ADK: variants seen among roughly 807,000 people sequenced by gnomAD.
The protein encoded by ADK is N6,N6-dimethyladenosine kinase.
A neutral mutation model predicts 44.7 loss-of-function variants in ADK; 24 were observed. That is an observed-to-expected ratio of 0.54 (90% CI 0.39 to 0.76). The LOEUF is 0.76. Ranked by LOEUF, ADK falls within the 30% of genes least tolerant of loss-of-function variation. The pLI, the probability that ADK is intolerant of heterozygous loss-of-function variation, is 0.00. For synonymous variants in ADK, 128 were observed against 142.6 expected, an observed-to-expected ratio of 0.90 and a Z score of 0.73; for missense variants, 321 against 425.1, an observed-to-expected ratio of 0.76 and a Z score of 2.15.
At chr10:74,702,779 A>G (rs1856481203) in intron 10 of ADK, among the ~76,000 whole-genome samples, 1 of 151,628 alleles carries the variant, frequency 6.6e-6, no homozygotes, top group South Asian at 2.1e-4. Context: ...TTGTATTTTT[A>G]GTAGAGACGA....
At chr10:74,614,042 C>T (rs1436929817) in intron 9 of ADK, among the ~76,000 whole-genome samples, 1 of 152,014 alleles carries the variant, frequency 6.6e-6, no homozygotes, top group Non-Finnish European at 1.5e-5. Flanking sequence ...AGCTCATGGT[C>T]CATTTTTAGA....
intron 3 of ADK, among the ~76,000 whole-genome samples, chr10:74,300,363 CTTT>C (rs1209176948): frequency 2.5e-5 from 3 of 118,062 alleles, no homozygotes; most frequent in African/African-American, 1.0e-4. Flanking sequence ...TCCTTCCTTT[CTTT>C]CTTTCTTCTT....
intron 7 of ADK, among the ~76,000 whole-genome samples, chr10:74,569,038 G>C (rs1038072278): frequency 4.7e-5 from 7 of 148,024 alleles, no homozygotes; most frequent in African/African-American, 1.7e-4. Context: ...TTGGCTTTTT[G>C]TCCTTGCAGT....
intron 3 of ADK, among the ~76,000 whole-genome samples, chr10:74,226,465 T>C (rs1844547092): frequency 6.6e-6 from 1 of 152,228 alleles, no homozygotes; most frequent in Admixed American, 6.5e-5. Flanking sequence ...CCCATATATT[T>C]ACCACCAAGG....
chr10:74,328,925 G>C (rs894902580), intron 4 of ADK, among the ~76,000 whole-genome samples: 1 of 151,720 alleles, frequency 6.6e-6, no homozygotes, highest in East Asian at 1.9e-4. Flanking sequence ...AGAGATCCAG[G>C]GTAGTCGTCT....
At chr10:74,398,836 G>A (rs569700627) in intron 6 of ADK, among the ~76,000 whole-genome samples, 47 of 152,044 alleles carry the variant, frequency 3.1e-4, no homozygotes, top group Non-Finnish European at 5.3e-4. Context: ...CCAACCAAGC[G>A]CAGAATTCTA....
intron 7 of ADK, among the ~76,000 whole-genome samples, chr10:74,532,549 GTCTC>G (rs976660130): frequency 2.0e-5 from 3 of 150,908 alleles, no homozygotes; most frequent in African/African-American, 7.3e-5. Context: ...AAGTAAAACT[GTCTC>G]TATTATCAAA....
In ADK at chr10:74,546,365, GAGAT is replaced by G. The variant is rs1310898328; in HGVS notation, c.726+20942_726+20945del. Among the ~76,000 whole-genome samples the G allele has an allele frequency of 5.9e-5, 9 of 152,172 alleles. No homozygotes were observed. The East Asian group carries it at 1.3e-3, about 23-fold the overall frequency. ...TTACTGTGTGGCATGGGCATGGTAA[GAGAT>G]AGGCCTTTTCTAGAAATATTCTCAT... is the stretch of plus-strand genomic sequence containing the variant. On this transcript the variant is annotated intron_variant, in intron 7 of 10. Transcript: ENST00000539909.
chr10:74,380,432 T>C (rs192757505), intron 4 of ADK, among the ~76,000 whole-genome samples: 6 of 152,304 alleles, frequency 3.9e-5, no homozygotes, highest in Non-Finnish European at 8.8e-5. Context: ...ATGTTCCTTA[T>C]TGTAAGGTGG....
At chr10:74,541,798 C>G (rs1257067218) in intron 7 of ADK, among the ~76,000 whole-genome samples, 2 of 129,704 alleles carry the variant, frequency 1.5e-5, no homozygotes, top group African/African-American at 5.8e-5. Context: ...CCACACACCC[C>G]CCCCCCCTAA....
At chr10:74,250,387 G>A (rs181937291) in intron 3 of ADK, among the ~76,000 whole-genome samples, 11 of 152,294 alleles carry the variant, frequency 7.2e-5, no homozygotes, top group Non-Finnish European at 1.5e-5. Context: ...AGTAGGCAAG[G>A]TCTGTTTGGA....
intron 6 of ADK, among the ~76,000 whole-genome samples, chr10:74,469,694 G>A (rs1461570706): frequency 6.6e-6 from 1 of 152,186 alleles, no homozygotes; most frequent in Non-Finnish European, 1.5e-5. Flanking sequence ...GTAAAGTACA[G>A]TAATGTTAAT....
chr10:74,166,187 G>A lies in ADK; in HGVS notation c.65+14844G>A, dbSNP rs573742953. ...AGTTCCAACCTTAGGTGATCTGCCC[G>A]CCTCGGCCTCCCAAATTGCTGGGAT... On this transcript the variant is annotated intron_variant, in intron 1 of 10. Transcript: ENST00000539909. Among the ~76,000 whole-genome samples, 164 of 152,290 alleles carry A rather than the reference G, an allele frequency of 1.1e-3. 2 individuals are homozygous for A. The highest frequency in any genetic ancestry group is 2.1e-3 in the Non-Finnish European group (141 of 68,016).
At chr10:74,204,938 G>T (rs1010721486) in intron 2 of ADK, among the ~76,000 whole-genome samples, 1 of 151,118 alleles carries the variant, frequency 6.6e-6, no homozygotes, top group African/African-American at 2.4e-5. Context: ...TACTCGGGTG[G>T]CTGAGGCAGG....
chr10:74,458,299 G>GT (rs376118678), intron 6 of ADK, among the ~76,000 whole-genome samples: 6,655 of 79,078 alleles, frequency 0.084, 471 homozygotes, highest in African/African-American at 0.17. Context: ...CCCAGGTTTT[G>GT]TTTTTTTTTT....
chr10:74,231,454 T>C (rs1216469764), intron 3 of ADK, among the ~76,000 whole-genome samples: 1 of 152,004 alleles, frequency 6.6e-6, no homozygotes, highest in Non-Finnish European at 1.5e-5. Context: ...ATGCCTCTCA[T>C]GTAAGAAAAG....
intron 10 of ADK, among the ~76,000 whole-genome samples, chr10:74,687,916 A>G (rs1393034441): frequency 6.6e-6 from 1 of 152,200 alleles, no homozygotes; most frequent in Admixed American, 6.5e-5. Context: ...TATAATAGCC[A>G]AAATAATCAC....
intron 3 of ADK, among the ~76,000 whole-genome samples, chr10:74,272,553 G>A (rs970261709): frequency 9.2e-5 from 14 of 152,138 alleles, no homozygotes; most frequent in Non-Finnish European, 1.5e-5. Flanking sequence ...GGGATTACAG[G>A]CATGAGCCAC....
At chr10:74,673,634 AGACAGCTTAAGCATTAACAGCTCAGTT>A in intron 10 of ADK, among the ~76,000 whole-genome samples, 1 of 152,204 alleles carries the variant, frequency 6.6e-6, no homozygotes, top group Non-Finnish European at 1.5e-5. Context: ...TGCTGTCTGT[AGACAGCTTAAGCATTAACAGCTCAGTT>A]GAGTGACCCT....
Sources: gnomAD v4.1 joint callset for allele counts (sites outside exome capture counted in the v4.1 genomes callset) on GRCh38, gnomAD v4.1.1 for gene constraint, MANE v1.5 for transcripts, NCBI Gene and HGNC (gene_info 2026-07-23, HGNC 2026-07-21) for gene names.